The following TSPAN1 variants were observed in gnomAD, a reference collection of about 807,000 sequenced individuals.
TSPAN1 encodes the protein tetraspanin 1, also known as tetraspanin-1.
TSPAN1 carries 23 observed loss-of-function variants against 26.9 expected under a neutral mutation model. The observed-to-expected ratio is 0.85, with a 90% CI of 0.62 to 1.21. The LOEUF (loss-of-function observed/expected upper bound fraction) is 1.21. Among genes scored for constraint, TSPAN1 ranks in the 50% most tolerant of loss-of-function variants. The pLI, the probability that TSPAN1 is intolerant of heterozygous loss-of-function variation, is 0.00. For synonymous variants in TSPAN1, 115 were observed against 114.8 expected (o/e 1.00, Z -0.01); for missense variants, 283 against 298.4 (o/e 0.95, Z 0.38).
At chr1:46,176,357 G>C (rs543520644) in intron 1 of TSPAN1, 2 of 1,535,734 alleles carry the variant, frequency 1.3e-6, no homozygotes, top group South Asian at 1.2e-5. Context: ...TATCTTCTGC[G>C]GCTACACTTG....
chr1:46,193,915 T>C, the TSPAN1 span: 5 of 1,614,030 alleles, frequency 3.1e-6, no homozygotes, highest in African/African-American at 6.7e-5. Context: ...GAGGACCTTG[T>C]TGTCTGGGAG....
At chr1:46,179,706 T>C (rs1476223660) in intron 1 of TSPAN1, among the ~76,000 whole-genome samples, 7 of 151,992 alleles carry the variant, frequency 4.6e-5, no homozygotes, top group Non-Finnish European at 2.9e-5. Context: ...GGCTCCTTCA[T>C]GAGACCATGG....
the TSPAN1 span, chr1:46,196,128 G>A: frequency 3.1e-6 from 5 of 1,612,708 alleles, no homozygotes; most frequent in African/African-American, 2.7e-5. The surrounding 1 kb of genome is among the most constrained non-coding windows in gnomAD (Gnocchi z 4.4). Flanking sequence ...CATTCAAGGT[G>A]TCTCTGTCTT....
intron 1 of TSPAN1, chr1:46,175,710 C>A: frequency 5.0e-6 from 2 of 400,632 alleles, no homozygotes; most frequent in South Asian, 2.5e-4. Context: ...CAGCCCCTCC[C>A]CAAACCCTCT....
chr1:46,181,066 A>G lies in TSPAN1; in HGVS notation c.-8-34A>G, dbSNP rs533949064. On this transcript the variant is annotated intron_variant, in intron 2 of 8. Coordinates refer to ENST00000372003, the MANE Select transcript of TSPAN1 (RefSeq NM_005727.4). ...GCCAGCCCAGGTGGGCCCAGGGGAAACAAGGCCCTAACTTGCACATGTCTA... is the reference window on the plus strand; with the variant it reads ...GCCAGCCCAGGTGGGCCCAGGGGAAGCAAGGCCCTAACTTGCACATGTCTA... 4.3e-5 allele frequency: 69 copies of G among 1,606,298 alleles called. No homozygotes were observed. In the South Asian group the frequency reaches 6.9e-4, roughly 16 times the overall value.
chr1:46,187,213 G>A (rs1329350951), downstream of TSPAN1, among the ~76,000 whole-genome samples: 1 of 152,196 alleles, frequency 6.6e-6, no homozygotes, highest in East Asian at 1.9e-4. Context: ...CTTCTGTGAA[G>A]AGCTCAGCCT....
chr1:46,175,761 T>C (rs983342692), intron 1 of TSPAN1: 5 of 404,168 alleles, frequency 1.2e-5, no homozygotes, highest in African/African-American at 1.0e-4. Context: ...TGTCAGCACT[T>C]TGGGGTGCCT....
In TSPAN1 at chr1:46,185,765, A is replaced by G. The variant is rs1265933341; in HGVS notation, c.*232A>G. 2 of 596,122 alleles carry G rather than the reference A, an allele frequency of 3.4e-6. No individual in the cohort carries two copies. The highest frequency in any genetic ancestry group is 6.0e-6 in the Non-Finnish European group (2 of 335,882). 36.9% of individuals were successfully genotyped at this position (596,122 alleles called of 1,614,324 possible). A position where few individuals can be genotyped will look rare whatever the true frequency, so the allele number is the denominator to read the frequency against. On this transcript the variant is annotated 3_prime_UTR_variant, in exon 9 of 9. Transcript: ENST00000372003. ...GGTGGGGGGCATTCCAGAGCCTCTA[A>G]GGTAGCCAGTTCTGTTGCCCATTCC...
intron 3 of TSPAN1, among the ~76,000 whole-genome samples, chr1:46,182,816 T>TTGTTG (rs1049134615): frequency 7.1e-6 from 1 of 141,438 alleles, no homozygotes; most frequent in African/African-American, 3.1e-5. Context: ...GTTGTTGTTG[T>TTGTTG]TTGTTTCTTT....
chr1:46,193,512 A>G, the TSPAN1 span: 3 of 1,613,838 alleles, frequency 1.9e-6, no homozygotes, highest in Non-Finnish European at 2.5e-6. Context: ...CCTGGCAATC[A>G]CTGCTGCTCC....
At chr1:46,189,856 T>C (rs797045896), downstream of TSPAN1, 6 of 1,613,684 alleles carry the variant, frequency 3.7e-6, no homozygotes, top group African/African-American at 5.3e-5. Flanking sequence ...TGGAGCACCT[T>C]GGCAAGCTGG....
chr1:46,185,237 C>A lies in TSPAN1; in HGVS notation c.607C>A (p.Gln203Lys). 1 of 1,614,144 alleles carries A rather than the reference C, an allele frequency of 6.2e-7. No individual in the cohort carries two copies. Among genetic ancestry groups the A allele is most frequent in the Admixed American group, 1.7e-5 (1 of 60,006 alleles). ...TCTCTTCCTGAAGGGTTGCTTCAAT[C>A]AGCTTTTGTATGACATCCGAACTAA... ...HDQKVEGCFN[Q>K]LLYDIRTNAV... is the part of the protein sequence containing the mutation. The change falls in exon 8 of 9, where the codon CAG becomes AAG. Residue 203 changes from glutamine to lysine, a missense_variant. Gln to Lys is a moderately conservative substitution (Grantham distance 53, BLOSUM62 1). Transcript: ENST00000372003.
chr1:46,185,381 C>G, intron 8 of TSPAN1, 73 bp downstream of exon 8: 1 of 1,607,140 alleles, frequency 6.2e-7, no homozygotes, highest in South Asian at 1.1e-5. Context: ...TGAGGCCTCT[C>G]TGGAGGAAAC....
chr1:46,194,400 C>A, the TSPAN1 span: 14 of 1,614,102 alleles, frequency 8.7e-6, no homozygotes, highest in Admixed American at 2.3e-4. Context: ...GGCACTCTGC[C>A]TCTGAGGGAA....
chr1:46,176,077 G>A (rs564062230), intron 1 of TSPAN1: 84 of 819,012 alleles, frequency 1.0e-4, no homozygotes, highest in Admixed American at 2.4e-4. Flanking sequence ...GGATTTCACC[G>A]TGTTAGCCAG....
At chr1:46,176,426 G>C in intron 1 of TSPAN1, 1 of 1,535,764 alleles carries the variant, frequency 6.5e-7, no homozygotes, top group East Asian at 2.4e-5. Context: ...TAGGGGGAAC[G>C]CATGCCCTGG....
Position 46,184,339 on chromosome 1 carries a change from C to G in TSPAN1, c.206C>G (p.Ala69Gly). The G allele has an allele frequency of 1.2e-6, 2 of 1,614,178 alleles. No homozygotes were observed. The highest frequency in any genetic ancestry group is 1.7e-6 in the Non-Finnish European group (2 of 1,180,028). The change falls in exon 4 of 9, where the codon GCT becomes GGT. Residue 69 changes from alanine (A) to glycine (G), a missense_variant. Ala to Gly is a moderately conservative substitution (Grantham distance 60). Transcript: ENST00000372003. The part of the protein sequence containing the change: ...FLIAAGVVVF[A>G]LGFLGCYGAK... ...ATCGCAGCCGGCGTTGTGGTCTTTG[C>G]TCTTGGTTTCCTGGGCTGCTATGGT...
the TSPAN1 span, chr1:46,193,844 C>CTTA: frequency 6.2e-7 from 1 of 1,613,880 alleles, no homozygotes; most frequent in Non-Finnish European, 8.5e-7. Flanking sequence ...ATAGCCCATT[C>CTTA]CCAGGCTTAC....
At chr1:46,190,398 T>C (rs372768194), downstream of TSPAN1, 56 of 1,508,804 alleles carry the variant, frequency 3.7e-5, no homozygotes, top group African/African-American at 6.8e-4. Context: ...CACAGGACCC[T>C]GTAAATTATG....
Sources: allele counts gnomAD v4.1 joint callset (sites outside exome capture counted in the v4.1 genomes callset), GRCh38; gene constraint gnomAD v4.1.1; non-coding constraint Gnocchi (gnomAD v3.1); transcripts MANE v1.5; gene names NCBI Gene and HGNC (gene_info 2026-07-23, HGNC 2026-07-21).